The following PTPRD variants were observed in gnomAD, a reference collection of about 807,000 sequenced individuals.
PTPRD encodes the protein receptor-type tyrosine-protein phosphatase delta.
Under a neutral mutation model 214.5 loss-of-function variants are expected in PTPRD, and 34 were observed. The observed-to-expected ratio is 0.16, with a 90% CI of 0.12 to 0.21. The LOEUF (loss-of-function observed/expected upper bound fraction) is 0.21, where lower values mean the gene tolerates loss of function less well. Among genes scored for constraint, PTPRD ranks in the 10% least tolerant of loss-of-function variants. The pLI is 1.00. For synonymous variants in PTPRD, 1,128 were observed against 845.7 expected, an observed-to-expected ratio of 1.33 and a Z score of -5.79; for missense variants, 2,545 against 2,398.7, an observed-to-expected ratio of 1.06 and a Z score of -1.27.
At chr9:10,430,003 C>T (rs75551915) in intron 2 of PTPRD, among the ~76,000 whole-genome samples, 3,949 of 151,942 alleles carry the variant, frequency 0.026, 108 homozygotes, top group South Asian at 0.094. Flanking sequence ...CCCTGTGTTA[C>T]CACTAATTCC....
At chr9:10,205,993 T>G in intron 3 of PTPRD, among the ~76,000 whole-genome samples, 1 of 148,946 alleles carries the variant, frequency 6.7e-6, no homozygotes, top group Non-Finnish European at 1.5e-5. Context: ...AGTAGAGGAG[T>G]CTGATATGTA....
intron 2 of PTPRD, among the ~76,000 whole-genome samples, chr9:10,571,280 T>C (rs2067345131): frequency 1.3e-5 from 2 of 152,150 alleles, no homozygotes; most frequent in South Asian, 4.2e-4. Flanking sequence ...TACTTGACTT[T>C]GTTAAAGTTA....
chr9:10,504,518 G>C (rs1285614698), intron 2 of PTPRD, among the ~76,000 whole-genome samples: 2 of 152,224 alleles, frequency 1.3e-5, no homozygotes, highest in East Asian at 3.9e-4. Flanking sequence ...CCAAAGATAA[G>C]AGCTTGGAAG....
At chr9:9,922,723 A>G (rs938141262) in intron 5 of PTPRD, among the ~76,000 whole-genome samples, 1 of 152,198 alleles carries the variant, frequency 6.6e-6, no homozygotes, top group East Asian at 1.9e-4. Flanking sequence ...AACCAGTAGA[A>G]CATAAGACAA....
chr9:9,620,311 C>CA (rs2095167451), intron 7 of PTPRD, among the ~76,000 whole-genome samples: 1 of 151,790 alleles, frequency 6.6e-6, no homozygotes, highest in Admixed American at 6.6e-5. Flanking sequence ...AAGGTAAGAA[C>CA]TATGCCAAAT....
chr9:10,498,482 C>T (rs1328046930), intron 2 of PTPRD, among the ~76,000 whole-genome samples: 13 of 150,046 alleles, frequency 8.7e-5, no homozygotes, highest in African/African-American at 2.8e-4. Flanking sequence ...GGCTTCCTTG[C>T]ACCTGGGTCA....
chr9:8,990,101 C>A (rs1172829901), intron 11 of PTPRD, among the ~76,000 whole-genome samples: 3 of 152,064 alleles, frequency 2.0e-5, no homozygotes, highest in Non-Finnish European at 4.4e-5. Context: ...ATTTGTTAAG[C>A]AAACTTAACA....
At chr9:10,080,028 A>C (rs1160748094) in intron 3 of PTPRD, among the ~76,000 whole-genome samples, 3 of 151,948 alleles carry the variant, frequency 2.0e-5, no homozygotes, top group Non-Finnish European at 2.9e-5. Flanking sequence ...ATTTTGTAAC[A>C]GCAGAGAACA....
intron 8 of PTPRD, among the ~76,000 whole-genome samples, chr9:9,521,961 G>T (rs557250679): frequency 9.9e-5 from 15 of 151,940 alleles, no homozygotes; most frequent in African/African-American, 3.4e-4. Context: ...AGTTTGAGAC[G>T]AGCCTGACCA....
chr9:9,862,416 G>C (rs1382595126), intron 5 of PTPRD, among the ~76,000 whole-genome samples: 3 of 152,216 alleles, frequency 2.0e-5, no homozygotes, highest in African/African-American at 7.2e-5. Context: ...TGCCTGGTAA[G>C]TGTCAGTAGT....
chr9:8,836,857 C>T (rs2097436731), intron 11 of PTPRD, among the ~76,000 whole-genome samples: 1 of 151,758 alleles, frequency 6.6e-6, no homozygotes, highest in Non-Finnish European at 1.5e-5. Context: ...GCTGATTAGA[C>T]TAGTAGCAGA....
intron 8 of PTPRD, among the ~76,000 whole-genome samples, chr9:9,558,006 G>C (rs1046324057): frequency 3.9e-5 from 6 of 152,214 alleles, no homozygotes; most frequent in African/African-American, 1.4e-4. Context: ...ACAGCACACA[G>C]CCAGCTTTTA....
chr9:10,417,060 T>C (rs552524703), intron 2 of PTPRD, among the ~76,000 whole-genome samples: 99 of 152,006 alleles, frequency 6.5e-4, no homozygotes, highest in African/African-American at 2.3e-3. Context: ...AATAAACTTA[T>C]GTTAGTGAAG....
intron 11 of PTPRD, among the ~76,000 whole-genome samples, chr9:8,771,845 C>T (rs540675862): frequency 1.5e-4 from 23 of 151,760 alleles, no homozygotes; most frequent in African/African-American, 4.8e-4. Flanking sequence ...ATTCAGCCAT[C>T]AGTCATTTAC....
chr9:8,831,865 A>T (rs1218968975), intron 11 of PTPRD, among the ~76,000 whole-genome samples: 3 of 152,094 alleles, frequency 2.0e-5, no homozygotes, highest in Non-Finnish European at 4.4e-5. Context: ...ACTGCTTCCA[A>T]ATCACAACGT....
At chr9:9,781,018 G>T (rs1000994169) in intron 5 of PTPRD, among the ~76,000 whole-genome samples, 5 of 152,210 alleles carry the variant, frequency 3.3e-5, no homozygotes, top group African/African-American at 9.7e-5. Context: ...ATGGCCAGGG[G>T]TTGGCAGGGA....
At chr9:10,467,570 A>T (rs117565436) in intron 2 of PTPRD, among the ~76,000 whole-genome samples, 7 of 152,304 alleles carry the variant, frequency 4.6e-5, no homozygotes, top group Non-Finnish European at 7.4e-5. Flanking sequence ...AAATTTTTAA[A>T]TATATAAACG....
chr9:10,220,549 T>A (rs942846035), intron 3 of PTPRD, among the ~76,000 whole-genome samples: 1 of 151,982 alleles, frequency 6.6e-6, no homozygotes, highest in Non-Finnish European at 1.5e-5. Context: ...TCACAAGCTG[T>A]CATTACAAAT....
chr9:8,874,203 G>T (rs2098351366), intron 11 of PTPRD, among the ~76,000 whole-genome samples: 1 of 152,142 alleles, frequency 6.6e-6, no homozygotes, highest in Non-Finnish European at 1.5e-5. Flanking sequence ...GATGGCCCAT[G>T]GTTCAGTGAC....
Sources: gnomAD v4.1 joint callset for allele counts (sites outside exome capture counted in the v4.1 genomes callset) on GRCh38, gnomAD v4.1.1 for gene constraint, MANE v1.5 for transcripts, NCBI Gene and HGNC (gene_info 2026-07-23, HGNC 2026-07-21) for gene names.